The following MAPDA variants were observed in gnomAD, a reference collection of about 807,000 sequenced individuals.
MAPDA encodes the protein N6,N6-dimethyl-AMP deaminase.
At chr15:43,330,391 C>G in the MAPDA span, 1 of 1,585,184 alleles carries the variant, frequency 6.3e-7, no homozygotes, top group Non-Finnish European at 8.5e-7. Context: ...AGGGGTCCTG[C>G]ACGTACCCGC....
chr15:43,331,703 A>T, the MAPDA span, among the ~76,000 whole-genome samples: 2 of 152,364 alleles, frequency 1.3e-5, no homozygotes, highest in African/African-American at 4.8e-5. Flanking sequence ...TTAAAAGCTC[A>T]TTAATGGCCT....
At chr15:43,331,746 C>T in the MAPDA span, among the ~76,000 whole-genome samples, 9 of 152,192 alleles carry the variant, frequency 5.9e-5, no homozygotes, top group African/African-American at 2.2e-4. Context: ...GCAATAAGGG[C>T]AGAATCCATG....
chr15:43,348,813 C>T, the MAPDA span: 2 of 1,339,016 alleles, frequency 1.5e-6, no homozygotes, highest in Middle Eastern at 1.9e-4. Context: ...GCATTAAGTA[C>T]TACTTAGAGG....
the MAPDA span, chr15:43,353,596 A>C: frequency 3.3e-5 from 5 of 152,158 alleles, no homozygotes; most frequent in East Asian, 9.6e-4. Context: ...GGAAAGACAA[A>C]TGCATGATTA....
At chr15:43,336,047 C>CT in the MAPDA span, among the ~76,000 whole-genome samples, 2 of 151,972 alleles carry the variant, frequency 1.3e-5, no homozygotes, top group Admixed American at 6.6e-5. Context: ...GATATTCTTT[C>CT]TTTTCTTTTT....
the MAPDA span, chr15:43,330,506 G>A: frequency 1.8e-5 from 27 of 1,512,474 alleles, no homozygotes; most frequent in Admixed American, 2.4e-5. Context: ...AAGAGACTCA[G>A]GAATGGCAGT....
the MAPDA span, among the ~76,000 whole-genome samples, chr15:43,331,447 A>G: frequency 6.6e-6 from 1 of 152,232 alleles, no homozygotes; most frequent in African/African-American, 2.4e-5. Flanking sequence ...TCATTTGTTC[A>G]CTGGGATTTG....
the MAPDA span, among the ~76,000 whole-genome samples, chr15:43,340,764 G>A: frequency 6.6e-6 from 1 of 152,198 alleles, no homozygotes; most frequent in African/African-American, 2.4e-5. Flanking sequence ...GTTTAAGGAA[G>A]GAAACAAAGG....
the MAPDA span, among the ~76,000 whole-genome samples, chr15:43,345,272 T>G: frequency 1.3e-5 from 2 of 150,082 alleles, no homozygotes; most frequent in African/African-American, 4.9e-5. Context: ...GAGAATCGCT[T>G]GGACCCGGGA....
the MAPDA span, among the ~76,000 whole-genome samples, chr15:43,341,809 A>G: frequency 4.6e-5 from 7 of 152,268 alleles, no homozygotes; most frequent in East Asian, 1.4e-3. Context: ...CTTGGAAAAC[A>G]GTAGTTATCT....
the MAPDA span, chr15:43,336,626 A>C: frequency 4.5e-6 from 7 of 1,567,228 alleles, no homozygotes; most frequent in Middle Eastern, 1.7e-4. Context: ...CATGTTGCAG[A>C]TGTTTCCAGA....
At chr15:43,344,264 A>G in the MAPDA span, among the ~76,000 whole-genome samples, 3 of 147,918 alleles carry the variant, frequency 2.0e-5, no homozygotes, top group African/African-American at 7.3e-5. Context: ...AAATTAGAAA[A>G]TAGCTTAAAA....
chr15:43,330,558 A>C, the MAPDA span: 48 of 1,475,430 alleles, frequency 3.3e-5, no homozygotes, highest in Non-Finnish European at 3.9e-5. Context: ...CACACACCTC[A>C]CGGACCTCGG....
At chr15:43,351,813 A>G in the MAPDA span, 3 of 1,551,650 alleles carry the variant, frequency 1.9e-6, no homozygotes, top group Non-Finnish European at 2.6e-6. Flanking sequence ...CAGCTGAAAC[A>G]TTTAATTTGA....
the MAPDA span, among the ~76,000 whole-genome samples, chr15:43,337,019 A>C: frequency 6.6e-6 from 1 of 152,130 alleles, no homozygotes; most frequent in African/African-American, 2.4e-5. Flanking sequence ...CTGTAATCCC[A>C]GCACTCTGGG....
At chr15:43,347,358 A>G in the MAPDA span, among the ~76,000 whole-genome samples, 1 of 152,192 alleles carries the variant, frequency 6.6e-6, no homozygotes, top group South Asian at 2.1e-4. Context: ...ACGTCTTGCT[A>G]GAGAAAATGC....
chr15:43,340,608 C>T, the MAPDA span, among the ~76,000 whole-genome samples: 45 of 152,264 alleles, frequency 3.0e-4, no homozygotes, highest in East Asian at 8.7e-3. Context: ...TCACTGTAAC[C>T]ACAAACTCCT....
the MAPDA span, chr15:43,349,096 A>AT: frequency 2.5e-6 from 4 of 1,612,158 alleles, no homozygotes; most frequent in Admixed American, 5.0e-5. Context: ...CTCTCCCCCA[A>AT]TCCCCAGGTT....
the MAPDA span, chr15:43,330,489 T>C: frequency 4.0e-6 from 6 of 1,517,118 alleles, no homozygotes; most frequent in African/African-American, 1.4e-5. Flanking sequence ...CGGGGGCCCA[T>C]GGCCAGAAGA....
Sources: allele counts gnomAD v4.1 joint callset (sites outside exome capture counted in the v4.1 genomes callset), GRCh38; gene constraint gnomAD v4.1.1; transcripts MANE v1.5; gene names NCBI Gene and HGNC (gene_info 2026-07-23, HGNC 2026-07-21).